The following FNDC3B variants were observed in gnomAD, a reference collection of about 807,000 sequenced individuals.
FNDC3B encodes the protein fibronectin type III domain-containing protein 3B.
A neutral mutation model predicts 151.5 loss-of-function variants in FNDC3B; 12 were observed. That is an observed-to-expected ratio of 0.08 (90% CI 0.05 to 0.13). The LOEUF is 0.13. Ranked by LOEUF, FNDC3B falls within the 10% of genes least tolerant of loss-of-function variation. The probability of loss-of-function intolerance (pLI) is 1.00; values close to 1 mark genes in which losing one functional copy is unlikely to be tolerated. For synonymous variants in FNDC3B, 528 were observed against 549.0 expected, an observed-to-expected ratio of 0.96 and a Z score of 0.54; for missense variants, 1,214 against 1,505.3, an observed-to-expected ratio of 0.81 and a Z score of 3.20.
At chr3:172,188,835 T>G (rs1343256304) in intron 3 of FNDC3B, among the ~76,000 whole-genome samples, 1 of 152,238 alleles carries the variant, frequency 6.6e-6, no homozygotes, top group Non-Finnish European at 1.5e-5. Context: ...TGTGAAACTC[T>G]CAATCAGACC....
chr3:172,117,494 G>C (rs79185277), intron 2 of FNDC3B, among the ~76,000 whole-genome samples: 2,058 of 152,246 alleles, frequency 0.014, 54 homozygotes, highest in African/African-American at 0.047. Flanking sequence ...ACTTTTTATT[G>C]ATTTAATATT....
chr3:172,262,601 T>A (rs575854141), intron 6 of FNDC3B, among the ~76,000 whole-genome samples: 57 of 152,180 alleles, frequency 3.7e-4, no homozygotes, highest in African/African-American at 1.2e-3. Flanking sequence ...ATTTTTTTTT[T>A]TATTTTTTGT....
chr3:172,193,991 C>T (rs1004352541), intron 3 of FNDC3B, among the ~76,000 whole-genome samples: 6 of 151,960 alleles, frequency 3.9e-5, no homozygotes, highest in East Asian at 3.9e-4. Flanking sequence ...GAGGCTGAGG[C>T]GGGCGGATCA....
At position 172,239,856 on chromosome 3, in the gene FNDC3B, C is replaced by CTTTTTTTTTTTTTTT. The variant is rs71179981; in HGVS notation, c.265-7661_265-7647dup. Among the ~76,000 whole-genome samples, 27 of 49,924 alleles carry CTTTTTTTTTTTTTTT rather than the reference C, an allele frequency of 5.4e-4. 4 individuals are homozygous for CTTTTTTTTTTTTTTT. Among genetic ancestry groups the CTTTTTTTTTTTTTTT allele is most frequent in the African/African-American group, 1.1e-3 (14 of 13,322 alleles). 32.8% of individuals were successfully genotyped at this position (49,924 alleles called of 152,430 possible). ...TGTTTTTAGGAGATCCATTTTAGTT[C>CTTTTTTTTTTTTTTT]TTTTTTTTTTTTTTTTTTTTTTTTT... is the stretch of plus-strand genomic sequence containing the variant. On this transcript the variant is annotated intron_variant, in intron 4 of 25. Transcript: ENST00000415807.
chr3:172,366,992 A>G (rs1288271348), intron 23 of FNDC3B, among the ~76,000 whole-genome samples: 1 of 152,180 alleles, frequency 6.6e-6, no homozygotes, highest in Non-Finnish European at 1.5e-5. Context: ...TTTCATGTAA[A>G]TAAAAGGGAT....
chr3:172,332,830 G>T (rs959938450), intron 13 of FNDC3B, among the ~76,000 whole-genome samples: 3 of 152,230 alleles, frequency 2.0e-5, no homozygotes, highest in Non-Finnish European at 4.4e-5. Context: ...ATTTTCAAAA[G>T]TTGCTTAACT....
intron 6 of FNDC3B, among the ~76,000 whole-genome samples, chr3:172,255,913 G>A (rs1043265054): frequency 6.6e-6 from 1 of 152,180 alleles, no homozygotes; most frequent in South Asian, 2.1e-4. Context: ...CGTTTCTTAG[G>A]ATTTTCTTTG....
chr3:172,062,606 G>A (rs1384709503), intron 1 of FNDC3B, among the ~76,000 whole-genome samples: 1 of 151,938 alleles, frequency 6.6e-6, no homozygotes, highest in Non-Finnish European at 1.5e-5. Flanking sequence ...CTTGAAAGTG[G>A]GATTTTCTCT....
At chr3:172,118,472 G>GA (rs1194943539) in intron 2 of FNDC3B, among the ~76,000 whole-genome samples, 31 of 152,182 alleles carry the variant, frequency 2.0e-4, no homozygotes, top group Admixed American at 1.3e-4. Context: ...GTATATTGTA[G>GA]AAAAATGAAT....
intron 7 of FNDC3B, among the ~76,000 whole-genome samples, chr3:172,292,127 C>T (rs1229176110): frequency 6.6e-6 from 1 of 152,112 alleles, no homozygotes; most frequent in East Asian, 1.9e-4. Context: ...ATTCCATTGC[C>T]TAAACAAGGG....
intron 19 of FNDC3B, 118 bp downstream of exon 19, chr3:172,344,376 A>G (rs1432658184): frequency 1.0e-5 from 8 of 786,844 alleles, no homozygotes; most frequent in Non-Finnish European, 1.4e-5. Context: ...AACCTTGACA[A>G]CCATTAATGC....
intron 11 of FNDC3B, among the ~76,000 whole-genome samples, chr3:172,311,190 T>C (rs897126082): frequency 3.9e-5 from 6 of 152,250 alleles, no homozygotes; most frequent in African/African-American, 1.4e-4. Flanking sequence ...AAAAATTGAC[T>C]GCTTTGTCAT....
At chr3:172,079,957 G>GAAAA (rs1203700228) in intron 1 of FNDC3B, among the ~76,000 whole-genome samples, 2 of 151,994 alleles carry the variant, frequency 1.3e-5, no homozygotes, top group African/African-American at 4.8e-5. Flanking sequence ...TCACAAACAG[G>GAAAA]GTCCTAAAAC....
chr3:172,140,193 A>G (rs1721551060), intron 3 of FNDC3B, among the ~76,000 whole-genome samples: 1 of 152,212 alleles, frequency 6.6e-6, no homozygotes, highest in African/African-American at 2.4e-5. Context: ...CTGAATTTCT[A>G]GGAAAATCTG....
chr3:172,341,325 A>G (rs566914940), intron 17 of FNDC3B, 94 bp downstream of exon 17: 2 of 890,126 alleles, frequency 2.2e-6, no homozygotes, highest in East Asian at 4.8e-5. Flanking sequence ...TAAACAATGT[A>G]TCTTGGTAAT....
intron 3 of FNDC3B, among the ~76,000 whole-genome samples, chr3:172,136,679 T>C (rs1576898152): frequency 6.6e-6 from 1 of 152,358 alleles, no homozygotes; most frequent in Admixed American, 6.5e-5. Context: ...ACTCTACTTA[T>C]GTTCTTTGAA....
intron 25 of FNDC3B, among the ~76,000 whole-genome samples, chr3:172,389,341 GATA>G (rs1735886518): frequency 6.6e-6 from 1 of 152,080 alleles, no homozygotes; most frequent in African/African-American, 2.4e-5. Flanking sequence ...TCTTCACTGA[GATA>G]TGACTGGCCT....
At chr3:172,223,582 A>G (rs1034070499) in intron 3 of FNDC3B, among the ~76,000 whole-genome samples, 1 of 152,200 alleles carries the variant, frequency 6.6e-6, no homozygotes, top group Non-Finnish European at 1.5e-5. Context: ...GACTATTTGC[A>G]TGGTATACGT....
chr3:172,049,948 G>A (rs1716560089), intron 1 of FNDC3B, among the ~76,000 whole-genome samples: 1 of 152,234 alleles, frequency 6.6e-6, no homozygotes, highest in Admixed American at 6.5e-5. Context: ...TTAGGTGTTA[G>A]AATTCTTTAG....
Sources: allele counts gnomAD v4.1 joint callset (sites outside exome capture counted in the v4.1 genomes callset), GRCh38; gene constraint gnomAD v4.1.1; transcripts MANE v1.5; gene names NCBI Gene and HGNC (gene_info 2026-07-23, HGNC 2026-07-21).